Variants in DACH1 observed in about 807,000 individuals in gnomAD.
DACH1 encodes the protein dachshund homolog 1.
In DACH1, 12 loss-of-function variants were observed where a neutral mutation model predicts 54.2. The ratio of observed to expected loss-of-function variants is 0.22; its 90% CI spans 0.14 to 0.36. DACH1 has a LOEUF of 0.36. DACH1 is among the 10% of genes least tolerant of loss of function. The probability of loss-of-function intolerance (pLI) is 1.00; values close to 1 mark genes in which losing one functional copy is unlikely to be tolerated. For synonymous variants in DACH1, 386 were observed against 366.2 expected (o/e 1.05, Z -0.62); for missense variants, 805 against 929.8 (o/e 0.87, Z 1.75).
intron 6 of DACH1, among the ~76,000 whole-genome samples, chr13:71,507,274 A>G (rs1348745165): frequency 5.3e-5 from 8 of 152,148 alleles, no homozygotes; most frequent in Non-Finnish European, 1.2e-4. Flanking sequence ...TCTGTTGTTT[A>G]TCTTATAATG....
intron 10 of DACH1, among the ~76,000 whole-genome samples, chr13:71,454,984 C>CA (rs1391104581): frequency 6.6e-6 from 1 of 152,164 alleles, no homozygotes; most frequent in Admixed American, 6.5e-5. Context: ...TGTGTTAGTA[C>CA]CTCTGTTTGC....
At chr13:71,767,902 TA>T (rs1188382024) in intron 1 of DACH1, among the ~76,000 whole-genome samples, 1 of 151,940 alleles carries the variant, frequency 6.6e-6, no homozygotes, top group African/African-American at 2.4e-5. Flanking sequence ...ATAATATAAT[TA>T]AAAATATTAT....
intron 1 of DACH1, among the ~76,000 whole-genome samples, chr13:71,858,563 G>A (rs1166130620): frequency 6.6e-6 from 1 of 151,486 alleles, no homozygotes; most frequent in African/African-American, 2.4e-5. Context: ...TCAAATCAAA[G>A]TATATTTATT....
At chr13:71,651,737 T>G (rs977345483) in intron 2 of DACH1, among the ~76,000 whole-genome samples, 1 of 152,090 alleles carries the variant, frequency 6.6e-6, no homozygotes, top group African/African-American at 2.4e-5. Context: ...TGTATATATA[T>G]GTGTGCATAT....
chr13:71,732,048 T>A (rs1883774766), intron 1 of DACH1, among the ~76,000 whole-genome samples: 1 of 152,200 alleles, frequency 6.6e-6, no homozygotes, highest in Non-Finnish European at 1.5e-5. Flanking sequence ...TTATAAAACT[T>A]ATGTTAACTA....
At chr13:71,696,003 A>T (rs1409752110) in intron 1 of DACH1, among the ~76,000 whole-genome samples, 3 of 152,206 alleles carry the variant, frequency 2.0e-5, no homozygotes, top group Non-Finnish European at 2.9e-5. Context: ...ATAGGTTTTT[A>T]TGAGGTTAGC....
intron 6 of DACH1, among the ~76,000 whole-genome samples, chr13:71,554,271 G>A (rs888279957): frequency 2.0e-5 from 3 of 151,840 alleles, no homozygotes; most frequent in South Asian, 2.1e-4. Context: ...ATAACAAAAC[G>A]CTTACTAGAA....
chr13:71,484,413 T>C (rs1398971879), intron 7 of DACH1, among the ~76,000 whole-genome samples: 1 of 152,118 alleles, frequency 6.6e-6, no homozygotes, highest in Non-Finnish European at 1.5e-5. Flanking sequence ...GTGGTCTTAT[T>C]GCCTCAGCCT....
At chr13:71,800,128 T>C (rs1044146213) in intron 1 of DACH1, among the ~76,000 whole-genome samples, 6 of 152,028 alleles carry the variant, frequency 3.9e-5, no homozygotes, top group African/African-American at 1.4e-4. Context: ...AGGCCTCAGT[T>C]TCCTCATTTA....
At chr13:71,542,248 C>CAAAT (rs1048306576) in intron 6 of DACH1, among the ~76,000 whole-genome samples, 6 of 151,418 alleles carry the variant, frequency 4.0e-5, no homozygotes, top group African/African-American at 1.5e-4. Context: ...AACTCCGTCT[C>CAAAT]AAATAAATAA....
chr13:71,510,241 C>T (rs767068474), intron 6 of DACH1, among the ~76,000 whole-genome samples: 7 of 151,986 alleles, frequency 4.6e-5, no homozygotes, highest in African/African-American at 1.7e-4. Context: ...TTTCTCTTTG[C>T]TATACGAATC....
At chr13:71,490,761 T>C (rs1038938934) in intron 6 of DACH1, among the ~76,000 whole-genome samples, 3 of 152,224 alleles carry the variant, frequency 2.0e-5, no homozygotes, top group Non-Finnish European at 2.9e-5. Context: ...TTTCTCATAA[T>C]AGCTCTGGAA....
chr13:71,649,227 A>T (rs892138418), intron 2 of DACH1, among the ~76,000 whole-genome samples: 3 of 152,188 alleles, frequency 2.0e-5, no homozygotes, highest in Admixed American at 6.5e-5. Context: ...TAGCCTAGGT[A>T]TGTAGTAAGC....
intron 3 of DACH1, among the ~76,000 whole-genome samples, chr13:71,606,573 T>C (rs1219774359): frequency 6.6e-6 from 1 of 151,998 alleles, no homozygotes; most frequent in Non-Finnish European, 1.5e-5. Context: ...TGGTCCCAAG[T>C]TGGTTTTCCA....
chr13:71,555,548 T>C (rs183378184), intron 6 of DACH1, among the ~76,000 whole-genome samples: 1 of 152,108 alleles, frequency 6.6e-6, no homozygotes, highest in Admixed American at 6.5e-5. Context: ...TTCACCATAT[T>C]GGTCAGGCTG....
intron 1 of DACH1, among the ~76,000 whole-genome samples, chr13:71,771,327 A>C (rs200322904): frequency 1.8e-4 from 21 of 115,602 alleles, no homozygotes; most frequent in African/African-American, 5.7e-4. Context: ...ATAAATAAAT[A>C]AATAAATAAA....
intron 10 of DACH1, among the ~76,000 whole-genome samples, chr13:71,463,373 G>T (rs772037942): frequency 6.6e-6 from 1 of 151,878 alleles, no homozygotes; most frequent in African/African-American, 2.4e-5. Context: ...GAAACTTAAA[G>T]TCAATTTAAT....
intron 3 of DACH1, among the ~76,000 whole-genome samples, chr13:71,629,015 A>G (rs1328103265): frequency 6.6e-6 from 1 of 152,144 alleles, no homozygotes; most frequent in Non-Finnish European, 1.5e-5. Flanking sequence ...GTTTTGTAAT[A>G]ATAGATATAA....
rs61958964 is a variant in DACH1, at chr13:71,654,473, A to G, written c.965-23756T>C. 4.6e-3 allele frequency among the ~76,000 whole-genome samples: 580 copies of G among 125,196 alleles called. 10 individuals carry two copies. The highest frequency in any genetic ancestry group is 0.018 in the African/African-American group (493 of 28,134). The allele number at this position is 125,196 out of a possible 152,430, so 82.1% of individuals were successfully genotyped here. On this transcript the variant is annotated intron_variant, in intron 2 of 10. Transcript: ENST00000613252. The stretch of plus-strand genomic sequence containing the variant: ...ATAAAATAAAGTAAAATAAAATAAA[A>G]TAAAATAAAATAAAATAAAATAAAA...
Sources: allele counts gnomAD v4.1 joint callset (sites outside exome capture counted in the v4.1 genomes callset), GRCh38; gene constraint gnomAD v4.1.1; transcripts MANE v1.5; gene names NCBI Gene and HGNC (gene_info 2026-07-23, HGNC 2026-07-21).